The following PCARE variants were observed in gnomAD, a reference collection of about 807,000 sequenced individuals.
PCARE encodes the protein photoreceptor cilium actin regulator, also known as uncharacterized protein C2orf71.
PCARE carries 72 observed loss-of-function variants against 82.2 expected under a neutral mutation model. The ratio of observed to expected loss-of-function variants is 0.88; its 90% CI spans 0.72 to 1.07. PCARE has a LOEUF of 1.07. PCARE is among the 50% of genes least tolerant of loss of function. The pLI, the probability that PCARE is intolerant of heterozygous loss-of-function variation, is 0.00. For synonymous variants in PCARE, 705 were observed against 634.8 expected (o/e 1.11, Z -1.66); for missense variants, 1,768 against 1,592.4 (o/e 1.11, Z -1.88).
At chr2:29,065,324 T>A in intron 1 of PCARE, among the ~76,000 whole-genome samples, 1 of 152,198 alleles carries the variant, frequency 6.6e-6, no homozygotes, top group East Asian at 1.9e-4. Context: ...AAGCCCTGGA[T>A]CCTGCTGCTC....
chr2:29,069,978 G>A (rs1459132516), intron 1 of PCARE, among the ~76,000 whole-genome samples: 3 of 152,302 alleles, frequency 2.0e-5, no homozygotes, highest in Admixed American at 2.0e-4. Context: ...GCTGGTTTGA[G>A]ACACGGCACC....
In PCARE at chr2:29,070,604, C is replaced by G; in HGVS notation, c.3658G>C (p.Gly1220Arg). Residue 1220 changes from glycine to arginine, a missense_variant, in exon 1 of 2, where the codon GGC becomes CGC. By Grantham distance (125) the Gly-to-Arg change is moderately radical. Coordinates refer to ENST00000331664, the MANE Select transcript of PCARE (RefSeq NM_001029883.3). ...CAGGACACTCCTTACCTGTTCTGGC[C>G]GAGCTGGGATTCATAAGAGGTGCTG... ...PTSTSYESQL[G>R]QNSSSEESPK... is the part of the protein sequence containing the mutation. 1 of 1,613,992 alleles carries G rather than the reference C, an allele frequency of 6.2e-7. No individual in the cohort carries two copies. The highest frequency in any genetic ancestry group is 1.7e-4 in the Middle Eastern group (1 of 6,060).
Position 29,064,855 on chromosome 2 carries a change from C to G in PCARE, c.*14G>C, listed in dbSNP as rs1376324487. 5 of 1,609,916 alleles carry G rather than the reference C, an allele frequency of 3.1e-6. No individual in the cohort carries two copies. Among genetic ancestry groups the G allele is most frequent in the Admixed American group, 1.7e-5 (1 of 59,990 alleles). On this transcript the variant is annotated 3_prime_UTR_variant, in exon 2 of 2. Transcript: ENST00000331664. ...CTGGGGTGACTGCGTGAGTGTGGCC[C>G]CCTCGTCAGCCTGTCAGGACACCTC... is the stretch of plus-strand genomic sequence containing the variant.
In PCARE at chr2:29,065,027, T is replaced by C; in HGVS notation, c.3709A>G (p.Ser1237Gly). The change falls in exon 2 of 2, where the codon AGC becomes GGC. Residue 1237 changes from serine to glycine, a missense_variant. Physicochemically the swap from Ser to Gly is moderately conservative, Grantham distance 56. Coordinates refer to ENST00000331664, the MANE Select transcript of PCARE (RefSeq NM_001029883.3). ...TGCAGTTCAGGGGAACAGGGGCTGCTCCCCGGCTCTGTGTCCTTCTTAGGG... is the reference window on the plus strand; with the variant it reads ...TGCAGTTCAGGGGAACAGGGGCTGCCCCCCGGCTCTGTGTCCTTCTTAGGG... Reference protein sequence around the residue: ...ESPKKDTEPGSSPCSPELQGG... With the variant: ...ESPKKDTEPGGSPCSPELQGG... 1 of 1,554,906 alleles carries C rather than the reference T, an allele frequency of 6.4e-7. No homozygotes were observed. The highest frequency in any genetic ancestry group is 8.7e-7 in the Non-Finnish European group (1 of 1,149,186).
rs773811978 is a variant in PCARE, at chr2:29,072,279, G to A, written c.1983C>T (p.Asn661=). 4 of 1,614,128 alleles carry A rather than the reference G, an allele frequency of 2.5e-6. No homozygotes were observed. In the African/African-American group the frequency reaches 5.3e-5, roughly 22 times the overall value. Reference sequence around the variant, plus strand: ...GGGATGCCTTGAGCCTGCTGGTGGTGTTGCTTGGACTGACCCTGCAGGTGC... The same window carrying A: ...GGGATGCCTTGAGCCTGCTGGTGGTATTGCTTGGACTGACCCTGCAGGTGC... ...PNGTCRVSPS[N]TTSRLKASLT... The change falls in exon 1 of 2, where the codon AAC becomes AAT. Residue 661 remains asparagine, a synonymous_variant. Transcript: ENST00000331664.
chr2:29,064,358 T>G lies in PCARE; in HGVS notation c.*511A>C, dbSNP rs545162937. On this transcript the variant is annotated 3_prime_UTR_variant, in exon 2 of 2. Transcript: ENST00000331664. ...GAATGTAATAAAAAGAGCAGAGAGA[T>G]TCTAACACCAGACTCATCTGTGCAA... 72 of 175,662 alleles carry G rather than the reference T, an allele frequency of 4.1e-4. No individual in the cohort carries two copies. Among genetic ancestry groups the G allele is most frequent in the African/African-American group, 1.6e-3 (69 of 42,250 alleles). 10.9% of individuals were successfully genotyped at this position (175,662 alleles called of 1,614,324 possible). A position where few individuals can be genotyped will look rare whatever the true frequency, so the allele number is the denominator to read the frequency against.
Position 29,062,854 on chromosome 2 carries a change from T to G in PCARE, c.*2015A>C, listed in dbSNP as rs1667332296. On this transcript the variant is annotated 3_prime_UTR_variant, in exon 2 of 2. Transcript: ENST00000331664. ...CTCATGGTACCCCAGTTTCACCCAC[T>G]GTGTCCCACTCCAGTCTCCCTGCAG... 6.6e-6 allele frequency: 1 copy of G among 152,228 alleles called. No individual in the cohort carries two copies. The highest frequency in any genetic ancestry group is 2.4e-5 in the African/African-American group (1 of 41,452). The allele number at this position is 152,228 out of a possible 1,614,324, so 9.4% of individuals were successfully genotyped here. A position where few individuals can be genotyped will look rare whatever the true frequency, so the allele number is the denominator to read the frequency against.
In PCARE at chr2:29,064,896, C is replaced by T. The variant is rs115730331; in HGVS notation, c.3840G>A (p.Ala1280=). Residue 1280 remains alanine (A), a synonymous_variant, in exon 2 of 2, where the codon GCG becomes GCA. Coordinates refer to ENST00000331664, the MANE Select transcript of PCARE (RefSeq NM_001029883.3). ...GHIQDKSQPE[A]QPQQEEVS is the part of the protein sequence containing the mutation. ...AGGACACCTCCTCTTGCTGGGGCTGCGCCTCTGGCTGGGATTTGTCCTGGA... is the reference window on the plus strand; with the variant it reads ...AGGACACCTCCTCTTGCTGGGGCTGTGCCTCTGGCTGGGATTTGTCCTGGA... 3,237 of 1,611,726 alleles carry T rather than the reference C, an allele frequency of 2.0e-3. 38 individuals carry two copies. In the African/African-American group the frequency reaches 0.032, roughly 16 times the overall value.
At position 29,064,280 on chromosome 2, in the gene PCARE, C is replaced by T. The variant is rs151271276; in HGVS notation, c.*589G>A. The T allele has an allele frequency of 3.8e-5, 6 of 158,466 alleles. No individual in the cohort carries two copies. The East Asian group carries it at 9.1e-4, about 24-fold the overall frequency. 9.8% of individuals were successfully genotyped at this position (158,466 alleles called of 1,614,324 possible). The stretch of plus-strand genomic sequence containing the variant: ...AACAAAGAAGCTTTGCGACCATTTG[C>T]GCACCCATGTCTGCTTTAGGCAGGT... On this transcript the variant is annotated 3_prime_UTR_variant, in exon 2 of 2. Transcript: ENST00000331664.
Position 29,071,221 on chromosome 2 carries a change from G to A in PCARE, c.3041C>T (p.Ser1014Phe). The A allele has an allele frequency of 6.2e-7, 1 of 1,609,486 alleles. No homozygotes were observed. The highest frequency in any genetic ancestry group is 1.7e-4 in the Middle Eastern group (1 of 5,864). Residue 1014 changes from serine (S) to phenylalanine (F), a missense_variant, in exon 1 of 2, where the codon TCC becomes TTC. By Grantham distance (155) the Ser-to-Phe change is radical. Coordinates refer to ENST00000331664, the MANE Select transcript of PCARE (RefSeq NM_001029883.3). ...GCTTGGCTGGGCAGGTCTGTAAGAGGAGGGAAGGCTCCGGCGCCTCTTGTC... is the reference window on the plus strand; with the variant it reads ...GCTTGGCTGGGCAGGTCTGTAAGAGAAGGGAAGGCTCCGGCGCCTCTTGTC... ...QADKRRRSLP[S>F]SYRPAQPSPS...
At chr2:29,067,352 G>A (rs1425868467) in intron 1 of PCARE, among the ~76,000 whole-genome samples, 4 of 152,180 alleles carry the variant, frequency 2.6e-5, no homozygotes, top group African/African-American at 9.7e-5. Flanking sequence ...GTGCACTTCT[G>A]CTCCCAGATG....
rs189553973 is a variant in PCARE at position 29,064,586 on chromosome 2, C to T, written c.*283G>A. 411 of 571,730 alleles carry T rather than the reference C, an allele frequency of 7.2e-4. 1 individual carries two copies. The highest frequency in any genetic ancestry group is 2.8e-3 in the Admixed American group (92 of 33,018). The allele number at this position is 571,730 out of a possible 1,614,324, so 35.4% of individuals were successfully genotyped here. A position where few individuals can be genotyped will look rare whatever the true frequency, so the allele number is the denominator to read the frequency against. On this transcript the variant is annotated 3_prime_UTR_variant, in exon 2 of 2. Coordinates refer to ENST00000331664, the MANE Select transcript of PCARE (RefSeq NM_001029883.3). ...CAACTATACATTCTCCACCCCCCAC[C>T]CCACCCCAAATTAAGGCCAGCACTT...
Position 29,068,782 on chromosome 2 carries a change from C to A in PCARE, c.3668+1812G>T, listed in dbSNP as rs79051147. Among the ~76,000 whole-genome samples the A allele has an allele frequency of 6.2e-3, 938 of 152,222 alleles. 9 individuals are homozygous for A. The highest frequency in any genetic ancestry group is 0.024 in the Middle Eastern group (7 of 294). On this transcript the variant is annotated intron_variant, in intron 1 of 1. Transcript: ENST00000331664. ...CCCGGGGGAGAGGTAGCAGCCCCAC[C>A]CCTGGATTCTGGTGCTCAGCACTCA...
intron 1 of PCARE, among the ~76,000 whole-genome samples, chr2:29,067,179 G>C (rs966274911): frequency 6.6e-6 from 1 of 152,216 alleles, no homozygotes; most frequent in African/African-American, 2.4e-5. Context: ...CGTGCTTGGG[G>C]AAACAGCCCG....
Position 29,070,716 on chromosome 2 carries a change from A to G in PCARE, c.3546T>C (p.Cys1182=), listed in dbSNP as rs769465560. The change falls in exon 1 of 2, where the codon TGT becomes TGC. Residue 1182 remains cysteine (C), a synonymous_variant. Coordinates refer to ENST00000331664, the MANE Select transcript of PCARE (RefSeq NM_001029883.3). ...TGAGGAAAGGCAGAGGGTTGAGGGC[A>G]CACAGAGCTGCTCTCCGCTGCGAGT... ...RADSQRRAAL[C]ALNPLPFLRR... The G allele has an allele frequency of 3.1e-6, 5 of 1,614,138 alleles. No homozygotes were observed. The highest frequency in any genetic ancestry group is 2.2e-5 in the East Asian group (1 of 44,854).
At position 29,073,010 on chromosome 2, in the gene PCARE, G is replaced by A. The variant is rs761943665; in HGVS notation, c.1252C>T (p.Pro418Ser). The change falls in exon 1 of 2, where the codon CCT (proline) becomes TCT (serine). Residue 418 changes from proline (P) to serine (S), a missense_variant. Coordinates refer to ENST00000331664, the MANE Select transcript of PCARE (RefSeq NM_001029883.3). ...GCTCGTGGCTGAACCTTTGCCATAGGAGCCCCTGAGAGCAGGCAGTCCTGG... is the reference window on the plus strand; with the variant it reads ...GCTCGTGGCTGAACCTTTGCCATAGAAGCCCCTGAGAGCAGGCAGTCCTGG... ...RPQDCLLSGA[P>S]MAKVQPRAQD... 2.5e-6 allele frequency: 4 copies of A among 1,614,150 alleles called. No homozygotes were observed. In the South Asian group the frequency reaches 4.4e-5, roughly 18 times the overall value.
Position 29,071,058 on chromosome 2 carries a change from G to A in PCARE, c.3204C>T (p.Cys1068=). The A allele has an allele frequency of 7.7e-7, 1 of 1,306,760 alleles. No homozygotes were observed. Among genetic ancestry groups the A allele is most frequent in the Non-Finnish European group, 1.0e-6 (1 of 965,308 alleles). The allele number at this position is 1,306,760 out of a possible 1,614,324, so 80.9% of individuals were successfully genotyped here. A position where few individuals can be genotyped will look rare whatever the true frequency, so the allele number is the denominator to read the frequency against. Residue 1068 remains cysteine, a synonymous_variant, in exon 1 of 2, where the codon TGC becomes TGT. Transcript: ENST00000331664. ...GCTGGGTTGGGGGGCTGGGGACCTT[G>A]CACTGAGCAGGTGCACTCTCGGGGG... ...NPPPESAPAQ[C]KVPSPPTQHP...
rs199853956 is a variant in PCARE, at chr2:29,065,028, C to G, written c.3708G>C (p.Gly1236=). 1.3e-6 allele frequency: 2 copies of G among 1,554,880 alleles called. No homozygotes were observed. The highest frequency in any genetic ancestry group is 1.7e-4 in the Middle Eastern group (1 of 5,936). Reference sequence around the variant, plus strand: ...GCAGTTCAGGGGAACAGGGGCTGCTCCCCGGCTCTGTGTCCTTCTTAGGGC... The same window carrying G: ...GCAGTTCAGGGGAACAGGGGCTGCTGCCCGGCTCTGTGTCCTTCTTAGGGC... ...EESPKKDTEP[G]SSPCSPELQG... The change falls in exon 2 of 2, where the codon GGG becomes GGC. Residue 1236 remains glycine, a synonymous_variant. Transcript: ENST00000331664.
rs202213660 is a variant in PCARE at position 29,071,008 on chromosome 2, G to A, written c.3254C>T (p.Ser1085Leu). The change falls in exon 1 of 2, where the codon TCG becomes TTG. Residue 1085 changes from serine to leucine, a missense_variant. By Grantham distance (145) the Ser-to-Leu change is moderately radical. Coordinates refer to ENST00000331664, the MANE Select transcript of PCARE (RefSeq NM_001029883.3). ...TQHPEASPPF[S>L]IPSPSPPMSP... ...CATTGGGGGTGATGGGGAGGGAATC[G>A]AGAAAGGGGGGCTTGCTTCTGGGTG... is the stretch of plus-strand genomic sequence containing the variant. 6.0e-5 allele frequency: 89 copies of A among 1,472,122 alleles called. No homozygotes were observed. In the Middle Eastern group the frequency reaches 4.0e-3, roughly 67 times the overall value. The allele number at this position is 1,472,122 out of a possible 1,614,324, so 91.2% of individuals were successfully genotyped here. A position where few individuals can be genotyped will look rare whatever the true frequency, so the allele number is the denominator to read the frequency against.
Sources: allele counts gnomAD v4.1 joint callset (sites outside exome capture counted in the v4.1 genomes callset), GRCh38; gene constraint gnomAD v4.1.1; transcripts MANE v1.5; gene names NCBI Gene and HGNC (gene_info 2026-07-23, HGNC 2026-07-21).